Variants in AFF1 observed in about 807,000 individuals in gnomAD.
AFF1 encodes the protein AF4/FMR2 family member 1.
Under a neutral mutation model 121.7 loss-of-function variants are expected in AFF1, and 48 were observed. The ratio of observed to expected loss-of-function variants is 0.39; its 90% CI spans 0.31 to 0.50. The LOEUF (loss-of-function observed/expected upper bound fraction) is 0.50, where lower values mean the gene tolerates loss of function less well. Ranked by LOEUF, AFF1 falls within the 20% of genes least tolerant of loss-of-function variation. The pLI is 0.76. For synonymous variants in AFF1, 613 were observed against 563.0 expected, an observed-to-expected ratio of 1.09 and a Z score of -1.26; for missense variants, 1,523 against 1,511.7, an observed-to-expected ratio of 1.01 and a Z score of -0.12.
At chr4:87,048,252 C>T (rs961646532) in intron 4 of AFF1, among the ~76,000 whole-genome samples, 1 of 152,036 alleles carries the variant, frequency 6.6e-6, no homozygotes, top group African/African-American at 2.4e-5. Flanking sequence ...GAGAGTGAGT[C>T]ACAAATATAA....
intron 2 of AFF1, among the ~76,000 whole-genome samples, chr4:87,008,838 A>G (rs1381259902): frequency 6.6e-6 from 1 of 152,198 alleles, no homozygotes; most frequent in African/African-American, 2.4e-5. Context: ...GATTTCTTTT[A>G]AATATTTTAA....
At chr4:87,088,232 C>G (rs1723930946) in intron 5 of AFF1, among the ~76,000 whole-genome samples, 1 of 152,196 alleles carries the variant, frequency 6.6e-6, no homozygotes, top group Admixed American at 6.5e-5. Flanking sequence ...GAAAGATCTC[C>G]TGTTGTGTCC....
At chr4:87,048,784 G>T (rs1263416582) in intron 4 of AFF1, among the ~76,000 whole-genome samples, 1 of 152,090 alleles carries the variant, frequency 6.6e-6, no homozygotes, top group Non-Finnish European at 1.5e-5. Context: ...AATACCACTT[G>T]TTTGGGGACC....
chr4:87,014,948 G>A (rs1727152281), intron 2 of AFF1, among the ~76,000 whole-genome samples: 1 of 152,164 alleles, frequency 6.6e-6, no homozygotes, highest in African/African-American at 2.4e-5. Context: ...TTGACAAACT[G>A]TCTACCTTAG....
chr4:87,081,340 T>A (rs933984178), intron 4 of AFF1, among the ~76,000 whole-genome samples: 2 of 151,902 alleles, frequency 1.3e-5, no homozygotes, highest in Non-Finnish European at 2.9e-5. Context: ...TTTTTGTATT[T>A]TTAGTAGAGA....
At position 87,114,807 on chromosome 4, in the gene AFF1, C is replaced by A; in HGVS notation, c.1974C>A (p.Pro658=). 1 of 1,613,592 alleles carries A rather than the reference C, an allele frequency of 6.2e-7. No individual in the cohort carries two copies. Among genetic ancestry groups the A allele is most frequent in the Non-Finnish European group, 8.5e-7 (1 of 1,179,782 alleles). ...CCAAGGTGAAGACGAAAGGACGGCC[C>A]CGGGCCGCAGCAAGCAACGAACCCA... The part of the protein sequence containing the change: ...DKPKVKTKGR[P]RAAASNEPKP... The change falls in exon 12 of 21, where the codon CCC becomes CCA. Residue 658 remains proline (P), a synonymous_variant. Transcript: ENST00000395146.
chr4:86,981,426 G>T (rs1261930004), intron 2 of AFF1, among the ~76,000 whole-genome samples: 1 of 152,038 alleles, frequency 6.6e-6, no homozygotes, highest in Non-Finnish European at 1.5e-5. Flanking sequence ...GGAGTGCAGT[G>T]GTGTGATCGC....
intron 2 of AFF1, among the ~76,000 whole-genome samples, chr4:87,022,582 A>ATATATC (rs1316133807): frequency 1.1e-5 from 1 of 88,598 alleles, no homozygotes; most frequent in Non-Finnish European, 2.1e-5. Context: ...ATATATATAT[A>ATATATC]TCTATCTATA....
chr4:87,009,037 G>T (rs1016808892), intron 2 of AFF1, among the ~76,000 whole-genome samples: 1 of 152,134 alleles, frequency 6.6e-6, no homozygotes, highest in African/African-American at 2.4e-5. Flanking sequence ...GTAATATAGC[G>T]CAGGGATTTG....
At chr4:86,997,170 C>A (rs1725281700) in intron 2 of AFF1, among the ~76,000 whole-genome samples, 1 of 152,110 alleles carries the variant, frequency 6.6e-6, no homozygotes, top group East Asian at 1.9e-4. Flanking sequence ...CCTTGGCCCC[C>A]CAAAGTGCTG....
intron 2 of AFF1, among the ~76,000 whole-genome samples, chr4:87,031,021 C>A (rs895540843): frequency 1.3e-5 from 2 of 152,066 alleles, no homozygotes; most frequent in Non-Finnish European, 2.9e-5. Context: ...AATTTGAGAT[C>A]GTTGTTTCAG....
intron 17 of AFF1, 29 bp downstream of exon 17, chr4:87,131,248 T>C (rs1271068949): frequency 1.2e-6 from 2 of 1,612,010 alleles, no homozygotes; most frequent in South Asian, 1.1e-5. Context: ...TGCTTTCCTC[T>C]TAAGTCCTTT....
intron 12 of AFF1, among the ~76,000 whole-genome samples, chr4:87,121,520 T>C (rs1234153640): frequency 6.6e-6 from 1 of 152,204 alleles, no homozygotes; most frequent in East Asian, 1.9e-4. Flanking sequence ...GAGTGCCTAC[T>C]CTGGGGAAGC....
chr4:86,997,231 G>C (rs1172552101), intron 2 of AFF1, among the ~76,000 whole-genome samples: 7 of 152,092 alleles, frequency 4.6e-5, no homozygotes, highest in Admixed American at 4.6e-4. Context: ...GGCTTTATAA[G>C]AGGAAGAGAC....
Position 87,127,171 on chromosome 4 carries a change from C to CCG in AFF1, c.2903+55_2903+56insGC, listed in dbSNP as rs1560657571. The CCG allele has an allele frequency of 1.2e-5, 15 of 1,296,194 alleles. No homozygotes were observed. In the East Asian group the frequency reaches 2.1e-4, roughly 18 times the overall value. 80.3% of individuals were successfully genotyped at this position (1,296,194 alleles called of 1,614,324 possible). A position where few individuals can be genotyped will look rare whatever the true frequency, so the allele number is the denominator to read the frequency against. On this transcript the variant is annotated intron_variant, in intron 15 of 20. Coordinates refer to ENST00000395146, the MANE Select transcript of AFF1 (RefSeq NM_001166693.3). ...CTGTTTTGTTTTGTTTTGCTTCCCCCCCCCACCAAGATAGAGTCTCACTCT... is the reference window on the plus strand; with the variant it reads ...CTGTTTTGTTTTGTTTTGCTTCCCCCCGCCCCACCAAGATAGAGTCTCACTCT...
At chr4:87,054,193 C>T (rs994914626) in intron 4 of AFF1, among the ~76,000 whole-genome samples, 17 of 152,252 alleles carry the variant, frequency 1.1e-4, no homozygotes, top group African/African-American at 4.1e-4. Context: ...TTCCCAGGCC[C>T]TCCCCTAGGG....
chr4:87,092,009 C>T (rs890724193), intron 7 of AFF1, among the ~76,000 whole-genome samples, 180 bp downstream of exon 7: 12 of 152,168 alleles, frequency 7.9e-5, no homozygotes, highest in Admixed American at 1.3e-4. Flanking sequence ...GTTGACCAGG[C>T]GCAGTGGCTC....
intron 2 of AFF1, chr4:86,949,537 A>ATTATTTTTTTTTTT (rs57335156): frequency 4.1e-6 from 1 of 244,118 alleles, no homozygotes; most frequent in African/African-American, 3.5e-5. Context: ...TATTATTATT[A>ATTATTTTTTTTTTT]TTTTTTTTTT....
chr4:87,127,660 A>G lies in AFF1; in HGVS notation c.2921A>G (p.His974Arg). ...TTTTTCAGACAACAAGCAGACCTTC[A>G]CATGAGGGAGGCAAAAAAGATGAAG... Reference protein sequence around the residue: ...VKFDKQQADLHMREAKKMKQK... With the variant: ...VKFDKQQADLRMREAKKMKQK... The change falls in exon 16 of 21, where the codon CAC becomes CGC. Residue 974 changes from histidine to arginine, a missense_variant. Physicochemically the swap from His to Arg is conservative, Grantham distance 29 (BLOSUM62 0). Coordinates refer to ENST00000395146, the MANE Select transcript of AFF1 (RefSeq NM_001166693.3). 1 of 1,614,142 alleles carries G rather than the reference A, an allele frequency of 6.2e-7. No homozygotes were observed. Among genetic ancestry groups the G allele is most frequent in the South Asian group, 1.1e-5 (1 of 91,084 alleles).
Sources: allele counts gnomAD v4.1 joint callset (sites outside exome capture counted in the v4.1 genomes callset), GRCh38; gene constraint gnomAD v4.1.1; transcripts MANE v1.5; gene names NCBI Gene and HGNC (gene_info 2026-07-23, HGNC 2026-07-21).